The following ITGA6 variants were observed in gnomAD, a reference collection of about 807,000 sequenced individuals.
ITGA6 encodes the protein integrin subunit alpha 6, also known as integrin alpha-6.
A neutral mutation model predicts 133.6 loss-of-function variants in ITGA6; 63 were observed. The observed-to-expected ratio is 0.47, with a 90% CI of 0.38 to 0.58. The LOEUF (loss-of-function observed/expected upper bound fraction) is 0.58, where lower values mean the gene tolerates loss of function less well. Among genes scored for constraint, ITGA6 ranks in the 20% least tolerant of loss-of-function variants. ITGA6 has a pLI of 0.00. For synonymous variants in ITGA6, 434 were observed against 482.0 expected, an observed-to-expected ratio of 0.90 and a Z score of 1.30; for missense variants, 1,068 against 1,309.4, an observed-to-expected ratio of 0.82 and a Z score of 2.85.
At chr2:172,450,523 G>C (rs1289335725) in intron 1 of ITGA6, among the ~76,000 whole-genome samples, 2 of 152,128 alleles carry the variant, frequency 1.3e-5, no homozygotes, top group African/African-American at 4.8e-5. Flanking sequence ...ACTGAGAAGT[G>C]GTCAGAGTAA....
At chr2:172,464,763 G>A (rs952084489) in intron 1 of ITGA6, among the ~76,000 whole-genome samples, 4 of 152,190 alleles carry the variant, frequency 2.6e-5, no homozygotes, top group African/African-American at 9.7e-5. Flanking sequence ...TACATAAGTG[G>A]AGCTACACCA....
At chr2:172,486,549 A>T (rs1200688063) in intron 13 of ITGA6, among the ~76,000 whole-genome samples, 2 of 152,142 alleles carry the variant, frequency 1.3e-5, no homozygotes. Flanking sequence ...GATCATAATA[A>T]TAGTATCTTT....
intron 1 of ITGA6, among the ~76,000 whole-genome samples, chr2:172,464,961 T>C (rs1482043098): frequency 6.6e-6 from 1 of 151,812 alleles, no homozygotes; most frequent in African/African-American, 2.4e-5. Context: ...AAAAAAGAAT[T>C]GGAAAGAGGC....
intron 13 of ITGA6, among the ~76,000 whole-genome samples, chr2:172,486,195 A>AAAAAAAAC (rs1295573243): frequency 6.7e-6 from 1 of 150,014 alleles, no homozygotes; most frequent in East Asian, 2.0e-4. Context: ...AAAAAAAAAA[A>AAAAAAAAC]AACAACTAAT....
chr2:172,436,611 A>G lies in ITGA6; in HGVS notation c.182+8641A>G, dbSNP rs143025594. The stretch of plus-strand genomic sequence containing the variant: ...CATTTATTTCTCTCTGTGTGTGTAC[A>G]TGTTTTAACCCAAAAGAAATAGGGA... On this transcript the variant is annotated intron_variant, in intron 1 of 25. Coordinates refer to ENST00000684293, the MANE Select transcript of ITGA6 (RefSeq NM_000210.4). Among the ~76,000 whole-genome samples, 1,222 of 152,322 alleles carry G rather than the reference A, an allele frequency of 8.0e-3. 18 individuals are homozygous for G. The highest frequency in any genetic ancestry group is 0.028 in the African/African-American group (1,154 of 41,560).
intron 1 of ITGA6, among the ~76,000 whole-genome samples, chr2:172,432,430 C>T (rs1054325999): frequency 3.9e-5 from 6 of 152,336 alleles, no homozygotes; most frequent in Admixed American, 6.5e-5. Flanking sequence ...TGCCTGCTAG[C>T]ACCTAGCATA....
intron 25 of ITGA6, chr2:172,503,435 G>C (rs1040331163): frequency 6.6e-6 from 1 of 152,144 alleles, no homozygotes; most frequent in African/African-American, 2.4e-5. Context: ...ATGCACTTCT[G>C]AAGTCCTATG....
rs1574301153 is a variant in ITGA6 at position 172,427,605 on chromosome 2, C to G, written c.-184C>G. The G allele has an allele frequency of 7.8e-7, 1 of 1,275,338 alleles. No homozygotes were observed. The highest frequency in any genetic ancestry group is 1.6e-5 in the African/African-American group (1 of 63,660). The allele number at this position is 1,275,338 out of a possible 1,614,324, so 79.0% of individuals were successfully genotyped here. A position where few individuals can be genotyped will look rare whatever the true frequency, so the allele number is the denominator to read the frequency against. On this transcript the variant is annotated 5_prime_UTR_variant, in exon 1 of 26. Coordinates refer to ENST00000684293, the MANE Select transcript of ITGA6 (RefSeq NM_000210.4). ...GAGAACAACGGGCTCATTCAGCGGTCGCGAGCTGCCCGCGAGGGGGAGCGG... is the reference window on the plus strand; with the variant it reads ...GAGAACAACGGGCTCATTCAGCGGTGGCGAGCTGCCCGCGAGGGGGAGCGG...
At chr2:172,486,713 G>A (rs1686694775) in intron 13 of ITGA6, among the ~76,000 whole-genome samples, 2 of 152,212 alleles carry the variant, frequency 1.3e-5, no homozygotes, top group African/African-American at 4.8e-5. Context: ...CTTGGACTCT[G>A]AAAGGTTAAG....
chr2:172,489,922 C>A (rs979165985), intron 20 of ITGA6: 5 of 416,284 alleles, frequency 1.2e-5, no homozygotes, highest in Non-Finnish European at 2.2e-5. Flanking sequence ...CATCATGACC[C>A]AGTATGTTAC....
intron 11 of ITGA6, among the ~76,000 whole-genome samples, chr2:172,482,621 TGAGGGGC>T (rs1157223445): frequency 1.1e-5 from 1 of 89,300 alleles, no homozygotes; most frequent in African/African-American, 6.2e-5. Flanking sequence ...ACTTTTGCTG[TGAGGGGC>T]ACTTTTGCTG....
chr2:172,448,587 G>A (rs1274316688), intron 1 of ITGA6, among the ~76,000 whole-genome samples: 1 of 152,198 alleles, frequency 6.6e-6, no homozygotes, highest in African/African-American at 2.4e-5. Context: ...TAGCTTGTTT[G>A]CCTCCTTTGA....
At chr2:172,429,358 T>G (rs1470708163) in intron 1 of ITGA6, among the ~76,000 whole-genome samples, 1 of 152,160 alleles carries the variant, frequency 6.6e-6, no homozygotes, top group Non-Finnish European at 1.5e-5. Flanking sequence ...ACTCAGTTAA[T>G]AGATGACGTT....
chr2:172,468,320 A>G (rs1158271794), intron 3 of ITGA6, among the ~76,000 whole-genome samples: 1 of 152,214 alleles, frequency 6.6e-6, no homozygotes, highest in East Asian at 1.9e-4. Context: ...TGGTCATGGT[A>G]AGGCCTTCCT....
Position 172,465,729 on chromosome 2 carries a change from G to A in ITGA6, c.307+66G>A, listed in dbSNP as rs796791473. ...TGCCTGTACTGTTTCCATGAGGGAGGAGAGTGGGGACAAACATTTATTCTT... is the reference window on the plus strand; with the variant it reads ...TGCCTGTACTGTTTCCATGAGGGAGAAGAGTGGGGACAAACATTTATTCTT... On this transcript the variant is annotated intron_variant, in intron 2 of 25. Coordinates refer to ENST00000684293, the MANE Select transcript of ITGA6 (RefSeq NM_000210.4). The A allele has an allele frequency of 2.3e-5, 37 of 1,600,386 alleles. No individual in the cohort carries two copies. In the African/African-American group the frequency reaches 4.5e-4, roughly 20 times the overall value.
chr2:172,479,671 C>A lies in ITGA6; in HGVS notation c.1419C>A (p.Thr473=). 6.2e-7 allele frequency: 1 copy of A among 1,613,962 alleles called. No individual in the cohort carries two copies. The highest frequency in any genetic ancestry group is 1.1e-5 in the South Asian group (1 of 91,052). Residue 473 remains threonine (T), a synonymous_variant, in exon 10 of 26, where the codon ACC becomes ACA. Transcript: ENST00000684293. ...GGCCTGTGATTAATATTCAGAAAACCATCACAGTAACTCCTAACAGAATTG... is the reference window on the plus strand; with the variant it reads ...GGCCTGTGATTAATATTCAGAAAACAATCACAGTAACTCCTAACAGAATTG... ...RSRPVINIQK[T]ITVTPNRIDL... is the part of the protein sequence containing the mutation.
intron 1 of ITGA6, among the ~76,000 whole-genome samples, chr2:172,457,295 C>CAAA (rs71403305): frequency 2.4e-4 from 19 of 79,272 alleles, no homozygotes; most frequent in African/African-American, 8.3e-4. Flanking sequence ...ATTCTGTCTC[C>CAAA]AAAAAAAAAA....
In ITGA6 at chr2:172,487,774, C is replaced by T. The variant is rs1384195251; in HGVS notation, c.2291C>T (p.Thr764Ile). Residue 764 changes from threonine to isoleucine, a missense_variant, in exon 17 of 26, where the codon ACC becomes ATC. By Grantham distance (89) the Thr-to-Ile change is moderately conservative. Transcript: ENST00000684293. ...AGTACAACTGAAGTCACCTTTGACA[C>T]CCCAGATCTGGATATTAATCTGAAG... ...VLSTTEVTFD[T>I]PDLDINLKLE... is the part of the protein sequence containing the mutation. 6.2e-7 allele frequency: 1 copy of T among 1,611,656 alleles called. No homozygotes were observed. Among genetic ancestry groups the T allele is most frequent in the Admixed American group, 1.7e-5 (1 of 60,012 alleles).
At chr2:172,485,951 C>T (rs534865695) in intron 13 of ITGA6, among the ~76,000 whole-genome samples, 1 of 152,042 alleles carries the variant, frequency 6.6e-6, no homozygotes, top group Admixed American at 6.5e-5. Context: ...CCGAGGCGGG[C>T]AGGTCACTTG....
Sources: allele counts gnomAD v4.1 joint callset (sites outside exome capture counted in the v4.1 genomes callset), GRCh38; gene constraint gnomAD v4.1.1; transcripts MANE v1.5; gene names NCBI Gene and HGNC (gene_info 2026-07-23, HGNC 2026-07-21).